The following BCAN variants were observed in gnomAD, a reference collection of about 807,000 sequenced individuals.
The protein encoded by BCAN is brevican, also known as brevican core protein.
In BCAN, 51 loss-of-function variants were observed where a neutral mutation model predicts 92.4. That is an observed-to-expected ratio of 0.55 (90% CI 0.44 to 0.70). The LOEUF (loss-of-function observed/expected upper bound fraction) is 0.70, where lower values mean the gene tolerates loss of function less well. Among genes scored for constraint, BCAN ranks in the 30% least tolerant of loss-of-function variants. The pLI is 0.00. For missense variants in BCAN, 1,140 were observed against 1,212.1 expected (o/e 0.94, Z 0.88); for synonymous variants, 501 against 505.2 (o/e 0.99, Z 0.11).
Position 156,648,567 on chromosome 1 carries a change from G to A in BCAN, c.770-1G>A, listed in dbSNP as rs1483403888. The A allele has an allele frequency of 6.3e-7, 1 of 1,582,134 alleles. No individual in the cohort carries two copies. Among genetic ancestry groups the A allele is most frequent in the Non-Finnish European group, 8.7e-7 (1 of 1,155,086 alleles). On this transcript the variant is annotated splice_acceptor_variant, in intron 5 of 13. Transcript: ENST00000329117. LOFTEE classifies it high-confidence loss of function. ...AACCCAGCCTTCTCTTCTCCACCCAGGAGAACTGTTCCTGGGTGACCCTCC... is the reference window on the plus strand; with the variant it reads ...AACCCAGCCTTCTCTTCTCCACCCAAGAGAACTGTTCCTGGGTGACCCTCC...
At chr1:156,654,723 G>A (rs959468800) in intron 8 of BCAN, among the ~76,000 whole-genome samples, 1 of 152,106 alleles carries the variant, frequency 6.6e-6, no homozygotes, top group African/African-American at 2.4e-5. Context: ...ACAACAGGAG[G>A]GACAGGAAAG....
chr1:156,657,314 T>C (rs1679368483), intron 10 of BCAN: 3 of 722,474 alleles, frequency 4.2e-6, no homozygotes, highest in East Asian at 5.7e-5. Context: ...GTTCGCGCAG[T>C]AGAGTGCGCC....
Position 156,647,764 on chromosome 1 carries a change from G to A in BCAN, c.641+82G>A. ...CCTTCTGCTGGGTGCTGCCTGCTGT[G>A]TCAGGCTGGACATGCAGGGCTTTTT... On this transcript the variant is annotated intron_variant, in intron 4 of 13. Transcript: ENST00000329117. This position sits in a 1 kb window ranked among gnomAD's most constrained non-coding sequence, Gnocchi z 4.8. The A allele has an allele frequency of 1.9e-6, 3 of 1,555,112 alleles. No individual in the cohort carries two copies. The highest frequency in any genetic ancestry group is 2.6e-6 in the Non-Finnish European group (3 of 1,141,144).
rs928105640 is a variant in BCAN, at chr1:156,648,434, T to C, written c.770-134T>C. 2.1e-5 allele frequency: 21 copies of C among 996,338 alleles called. No homozygotes were observed. In the African/African-American group the frequency reaches 2.3e-4, roughly 11 times the overall value. 61.7% of individuals were successfully genotyped at this position (996,338 alleles called of 1,614,324 possible). A position where few individuals can be genotyped will look rare whatever the true frequency, so the allele number is the denominator to read the frequency against. On this transcript the variant is annotated intron_variant, in intron 5 of 13. Coordinates refer to ENST00000329117, the MANE Select transcript of BCAN (RefSeq NM_021948.5). ...TCTTGAGGTTCTATTCAGACTATGA[T>C]CCTATGAAGTAGAGTAGTTGACTCC...
intron 2 of BCAN, 123 bp from the exon 3 acceptor site, chr1:156,646,678 T>C (rs1678981411): frequency 6.4e-6 from 9 of 1,409,238 alleles, no homozygotes; most frequent in South Asian, 1.5e-5. Context: ...TGGCCCCTGG[T>C]CCTAGGGGGG....
At position 156,652,746 on chromosome 1, in the gene BCAN, GGGCCCCTGAGGGTACCAGGGAGCTGGA is replaced by G; in HGVS notation, c.1803_1829del (p.Glu602_Pro610del). The G allele has an allele frequency of 1.2e-6, 2 of 1,604,886 alleles. No homozygotes were observed. Among genetic ancestry groups the G allele is most frequent in the Non-Finnish European group, 1.7e-6 (2 of 1,174,446 alleles). Reference sequence around the variant, plus strand: ...GCCCCTTCCCTGCTTCCAGCCACACGGGCCCCTGAGGGTACCAGGGAGCTGGAGGCCCCCTCTGAAGATAATTCTGGA... The same window carrying G: ...GCCCCTTCCCTGCTTCCAGCCACACGGGCCCCCTCTGAAGATAATTCTGGA... On this transcript the variant is annotated inframe_deletion, in exon 8 of 14. Coordinates refer to ENST00000329117, the MANE Select transcript of BCAN (RefSeq NM_021948.5).
rs761130735 is a variant in BCAN at position 156,647,471 on chromosome 1, G to A, written c.467-37G>A. On this transcript the variant is annotated intron_variant, in intron 3 of 13. Coordinates refer to ENST00000329117, the MANE Select transcript of BCAN (RefSeq NM_021948.5). This position sits in a 1 kb window ranked among gnomAD's most constrained non-coding sequence, Gnocchi z 4.8. ...GGGTGAGGGGAGGCCAGCGTGCTGG[G>A]TGCTCACCTGGCTCAGGGGTCCTCT... is the stretch of plus-strand genomic sequence containing the variant. 1.6e-5 allele frequency: 24 copies of A among 1,520,556 alleles called. No homozygotes were observed. The highest frequency in any genetic ancestry group is 2.1e-5 in the Non-Finnish European group (24 of 1,134,358). 94.2% of individuals were successfully genotyped at this position (1,520,556 alleles called of 1,614,324 possible).
At chr1:156,649,266 G>A (rs1480695817) in intron 6 of BCAN, among the ~76,000 whole-genome samples, 1 of 152,200 alleles carries the variant, frequency 6.6e-6, no homozygotes, top group Non-Finnish European at 1.5e-5. Flanking sequence ...GCCCTCTGGA[G>A]GATTTCCAGA....
At chr1:156,651,072 T>C (rs972088165) in intron 6 of BCAN, among the ~76,000 whole-genome samples, 11 of 152,264 alleles carry the variant, frequency 7.2e-5, no homozygotes, top group Admixed American at 3.3e-4. Flanking sequence ...ATCTCTCACC[T>C]GAGCCTTTCC....
chr1:156,648,941 T>G (rs1267170162), intron 6 of BCAN, 80 bp downstream of exon 6: 1 of 1,427,526 alleles, frequency 7.0e-7, no homozygotes, highest in East Asian at 2.3e-5. Flanking sequence ...CCCAGTCTGA[T>G]CAGTTTAGCT....
intron 8 of BCAN, among the ~76,000 whole-genome samples, chr1:156,653,737 T>G (rs1284272971): frequency 1.3e-5 from 2 of 152,186 alleles, no homozygotes; most frequent in African/African-American, 4.8e-5. Flanking sequence ...AAAATTTGAC[T>G]GTACACATTA....
At chr1:156,650,036 G>C (rs1020265210) in intron 6 of BCAN, 5 of 467,286 alleles carry the variant, frequency 1.1e-5, no homozygotes, top group Non-Finnish European at 2.1e-5. Context: ...GGACAGATCT[G>C]TGGACATATT....
In BCAN at chr1:156,652,715, G is replaced by C; in HGVS notation, c.1765G>C (p.Glu589Gln). 6.9e-6 allele frequency: 11 copies of C among 1,604,878 alleles called. No homozygotes were observed. In the Middle Eastern group the frequency reaches 1.7e-3, roughly 243 times the overall value. ...AGAGAGCGAGGAGACAGGAAGCTCCGAGGGTGCCCCTTCCCTGCTTCCAGC... is the reference window on the plus strand; with the variant it reads ...AGAGAGCGAGGAGACAGGAAGCTCCCAGGGTGCCCCTTCCCTGCTTCCAGC... The part of the protein sequence containing the change: ...RGESEETGSS[E>Q]GAPSLLPATR... The change falls in exon 8 of 14, where the codon GAG becomes CAG. Residue 589 changes from glutamate to glutamine, a missense_variant. Physicochemically the swap from Glu to Gln is conservative, Grantham distance 29. Transcript: ENST00000329117.
intron 7 of BCAN, 90 bp downstream of exon 7, chr1:156,651,779 T>C: frequency 8.6e-7 from 1 of 1,165,082 alleles, no homozygotes; most frequent in Non-Finnish European, 1.2e-6. Flanking sequence ...GGGTGATGGA[T>C]GACATGACTC....
intron 6 of BCAN, among the ~76,000 whole-genome samples, chr1:156,650,158 A>C (rs756774448): frequency 1.3e-5 from 2 of 152,146 alleles, no homozygotes; most frequent in Admixed American, 6.6e-5. Context: ...TAGTAATAAT[A>C]ATAATAGTAA....
At chr1:156,651,729 A>G (rs775260998) in intron 7 of BCAN, 40 bp downstream of exon 7, 1 of 1,546,588 alleles carries the variant, frequency 6.5e-7, no homozygotes, top group South Asian at 1.2e-5. Flanking sequence ...CTTGATTGAA[A>G]GAAGTTGGGG....
chr1:156,653,343 A>C, intron 8 of BCAN: 2 of 1,042,448 alleles, frequency 1.9e-6, no homozygotes, highest in Non-Finnish European at 2.3e-6. Flanking sequence ...CTCACCCCTC[A>C]ACCTCCGGAG....
At chr1:156,656,143 G>A in intron 8 of BCAN, 139 bp from the exon 9 acceptor site, 1 of 469,432 alleles carries the variant, frequency 2.1e-6, no homozygotes. Context: ...AGGCTCTAGG[G>A]AGAACTTTTA....
rs532326933 is a variant in BCAN, at chr1:156,643,282, A to G, written c.-9+1007A>G. The G allele has an allele frequency of 3.9e-5, 6 of 152,348 alleles. No individual in the cohort carries two copies. The South Asian group carries it at 1.2e-3, about 32-fold the overall frequency. 9.4% of individuals were successfully genotyped at this position (152,348 alleles called of 1,614,324 possible). A position where few individuals can be genotyped will look rare whatever the true frequency, so the allele number is the denominator to read the frequency against. On this transcript the variant is annotated intron_variant, in intron 1 of 13. Transcript: ENST00000329117. The stretch of plus-strand genomic sequence containing the variant: ...CAGATTCTATACGAGAGGGATCTGC[A>G]ACTGCTCGGCTGGTGTCATTGCTAA...
Sources: allele counts gnomAD v4.1 joint callset (sites outside exome capture counted in the v4.1 genomes callset), GRCh38; gene constraint gnomAD v4.1.1; non-coding constraint Gnocchi (gnomAD v3.1); transcripts MANE v1.5; gene names NCBI Gene and HGNC (gene_info 2026-07-23, HGNC 2026-07-21).